The following SIK2 variants were observed in gnomAD, a reference collection of about 807,000 sequenced individuals.
SIK2 encodes the protein serine/threonine-protein kinase SIK2.
A neutral mutation model predicts 103.2 loss-of-function variants in SIK2; 29 were observed. That is an observed-to-expected ratio of 0.28 (90% CI 0.21 to 0.38). The LOEUF (loss-of-function observed/expected upper bound fraction) is 0.38. Among genes scored for constraint, SIK2 ranks in the 10% least tolerant of loss-of-function variants. The pLI is 1.00. For synonymous variants in SIK2, 412 were observed against 446.1 expected, an observed-to-expected ratio of 0.92 and a Z score of 0.96; for missense variants, 879 against 1,171.0, an observed-to-expected ratio of 0.75 and a Z score of 3.64.
intron 8 of SIK2, among the ~76,000 whole-genome samples, chr11:111,708,339 A>G (rs1269493089): frequency 1.3e-5 from 2 of 152,064 alleles, no homozygotes; most frequent in African/African-American, 4.8e-5. Flanking sequence ...CCGAGATGAC[A>G]CCACTGCATT....
At chr11:111,620,814 T>C (rs890070696) in intron 3 of SIK2, among the ~76,000 whole-genome samples, 1 of 152,242 alleles carries the variant, frequency 6.6e-6, no homozygotes, top group Admixed American at 6.5e-5. Flanking sequence ...ATCTCTGTTA[T>C]TGTGGATCTT....
chr11:111,622,391 T>G (rs917413197), intron 3 of SIK2, among the ~76,000 whole-genome samples: 1 of 151,674 alleles, frequency 6.6e-6, no homozygotes, highest in Non-Finnish European at 1.5e-5. Context: ...AAATAACTGG[T>G]CCTACAGGCA....
At chr11:111,704,654 G>A (rs1488973099) in intron 7 of SIK2, among the ~76,000 whole-genome samples, 4 of 152,200 alleles carry the variant, frequency 2.6e-5, no homozygotes, top group Non-Finnish European at 1.5e-5. Context: ...CACCGTTACA[G>A]CTATGAGATG....
At chr11:111,640,961 A>G (rs912166865) in intron 3 of SIK2, among the ~76,000 whole-genome samples, 30 of 151,830 alleles carry the variant, frequency 2.0e-4, no homozygotes, top group African/African-American at 6.0e-4. Flanking sequence ...GTCTGCAAAT[A>G]TAGTATTTGT....
intron 3 of SIK2, among the ~76,000 whole-genome samples, chr11:111,646,277 G>A (rs181208810): frequency 2.0e-5 from 3 of 151,932 alleles, no homozygotes; most frequent in East Asian, 1.9e-4. Context: ...TAGTGAAACC[G>A]CATCTCTACT....
At chr11:111,684,654 C>T (rs1942821934) in intron 3 of SIK2, among the ~76,000 whole-genome samples, 1 of 152,228 alleles carries the variant, frequency 6.6e-6, no homozygotes, top group Non-Finnish European at 1.5e-5. Context: ...CTTCCCAGCT[C>T]ATCCAGTGTA....
intron 3 of SIK2, among the ~76,000 whole-genome samples, chr11:111,664,862 C>G (rs1942514594): frequency 6.6e-6 from 1 of 152,158 alleles, no homozygotes; most frequent in Non-Finnish European, 1.5e-5. Flanking sequence ...ATCACCCTTT[C>G]TTTTCCTTTT....
Position 111,720,569 on chromosome 11 carries a change from G to A in SIK2, c.1587G>A (p.Leu529=). The stretch of plus-strand genomic sequence containing the variant: ...CTGTTCAGAGGGACCTGAACTTTCT[G>A]GAAGACAACCCTTCCCTTAAGGACA... ...MGSVQRDLNF[L]EDNPSLKDIM... is the part of the protein sequence containing the mutation. Residue 529 remains leucine, a synonymous_variant, in exon 11 of 15, where the codon CTG becomes CTA. Coordinates refer to ENST00000304987, the MANE Select transcript of SIK2 (RefSeq NM_015191.3). 6.2e-7 allele frequency: 1 copy of A among 1,614,094 alleles called. No homozygotes were observed. The highest frequency in any genetic ancestry group is 8.5e-7 in the Non-Finnish European group (1 of 1,180,030).
At chr11:111,628,380 C>A (rs1941988543) in intron 3 of SIK2, among the ~76,000 whole-genome samples, 1 of 123,654 alleles carries the variant, frequency 8.1e-6, no homozygotes, top group African/African-American at 2.6e-5. Context: ...GCCACTCCTC[C>A]CCCATTTTCT....
intron 3 of SIK2, among the ~76,000 whole-genome samples, chr11:111,658,873 G>A (rs377658606): frequency 1.5e-3 from 225 of 152,312 alleles, no homozygotes; most frequent in Non-Finnish European, 2.4e-3. Flanking sequence ...ATTTGGGGAA[G>A]AGGTGGTAGG....
intron 2 of SIK2, among the ~76,000 whole-genome samples, chr11:111,619,551 G>T (rs568348022): frequency 9.9e-5 from 15 of 152,102 alleles, no homozygotes; most frequent in Non-Finnish European, 1.9e-4. Flanking sequence ...TGCCATGTTG[G>T]CCAGGCTGGT....
At chr11:111,625,774 C>T (rs1043013047) in intron 3 of SIK2, among the ~76,000 whole-genome samples, 2 of 152,058 alleles carry the variant, frequency 1.3e-5, no homozygotes, top group Non-Finnish European at 2.9e-5. Context: ...AATAGACAAC[C>T]CTTTCAAGGA....
At chr11:111,616,023 T>A (rs1297880330) in intron 1 of SIK2, among the ~76,000 whole-genome samples, 1 of 152,230 alleles carries the variant, frequency 6.6e-6, no homozygotes, top group Non-Finnish European at 1.5e-5. Context: ...CAAATTATTC[T>A]TCATAGCACA....
rs1943955969 is a variant in SIK2, at chr11:111,726,066, T to C, written c.*1937T>C. 2 of 152,256 alleles carry C rather than the reference T, an allele frequency of 1.3e-5. No homozygotes were observed. Among genetic ancestry groups the C allele is most frequent in the Admixed American group, 1.3e-4 (2 of 15,292 alleles). The allele number at this position is 152,256 out of a possible 1,614,324, so 9.4% of individuals were successfully genotyped here. On this transcript the variant is annotated 3_prime_UTR_variant, in exon 15 of 15. Coordinates refer to ENST00000304987, the MANE Select transcript of SIK2 (RefSeq NM_015191.3). ...CATTTCATTTAAGAGATCATTTCAT[T>C]AAGATCTCTAATCTGTTTTGAGTCT...
Position 111,718,316 on chromosome 11 carries a change from G to A in SIK2, c.1267-1459G>A, listed in dbSNP as rs544164710. ...TCAAACAGCCATTCTTTCTTGCAAG[G>A]AAACTATTAAGTTTAGTCAAAAAGG... On this transcript the variant is annotated intron_variant, in intron 9 of 14. Coordinates refer to ENST00000304987, the MANE Select transcript of SIK2 (RefSeq NM_015191.3). Among the ~76,000 whole-genome samples the A allele has an allele frequency of 6.6e-5, 10 of 152,272 alleles. No homozygotes were observed. In the South Asian group the frequency reaches 2.1e-3, roughly 32 times the overall value.
Position 111,724,012 on chromosome 11 carries a change from G to T in SIK2, c.2664G>T (p.Leu888=), listed in dbSNP as rs775262173. 6.2e-7 allele frequency: 1 copy of T among 1,614,064 alleles called. No homozygotes were observed. The highest frequency in any genetic ancestry group is 1.3e-5 in the African/African-American group (1 of 74,936). ...TGPDCPRSPG[L]QEAPSSYDPL... ...CAGACTGTCCCAGAAGCCCAGGACT[G>T]CAAGAGGCCCCCTCCAGCTACGACC... Residue 888 remains leucine, a synonymous_variant, in exon 15 of 15, where the codon CTG becomes CTT. Coordinates refer to ENST00000304987, the MANE Select transcript of SIK2 (RefSeq NM_015191.3).
chr11:111,653,146 C>A (rs556182018), intron 3 of SIK2, among the ~76,000 whole-genome samples: 1 of 152,200 alleles, frequency 6.6e-6, no homozygotes, highest in South Asian at 2.1e-4. Context: ...AGGCCAACTA[C>A]CCTTCCCCTC....
In SIK2 at chr11:111,612,958, A is replaced by G. The variant is rs1299317409; in HGVS notation, c.136-3285A>G. Reference sequence around the variant, plus strand: ...TATATATATATATATTTATGATCATAGGATCATAGATGGATAAAGTCTGTG... The same window carrying G: ...TATATATATATATATTTATGATCATGGGATCATAGATGGATAAAGTCTGTG... On this transcript the variant is annotated intron_variant, in intron 1 of 14. Coordinates refer to ENST00000304987, the MANE Select transcript of SIK2 (RefSeq NM_015191.3). Among the ~76,000 whole-genome samples the G allele has an allele frequency of 1.4e-5, 2 of 145,336 alleles. 1 individual carries two copies. The highest frequency in any genetic ancestry group is 3.1e-5 in the Non-Finnish European group (2 of 65,520).
chr11:111,688,237 G>A lies in SIK2; in HGVS notation c.478+75G>A, dbSNP rs117543048. 12,528 of 1,477,532 alleles carry A rather than the reference G, an allele frequency of 8.5e-3. 68 individuals carry two copies. The highest frequency in any genetic ancestry group is 0.026 in the Middle Eastern group (150 of 5,732). The allele number at this position is 1,477,532 out of a possible 1,614,324, so 91.5% of individuals were successfully genotyped here. A position where few individuals can be genotyped will look rare whatever the true frequency, so the allele number is the denominator to read the frequency against. ...CTCAGTGTGTGGAAACAGACCTGCA[G>A]GCGCAGATTCAGCAGCATTTCTACC... is the stretch of plus-strand genomic sequence containing the variant. On this transcript the variant is annotated intron_variant, in intron 4 of 14. Transcript: ENST00000304987. This position sits in a 1 kb window ranked among gnomAD's most constrained non-coding sequence, Gnocchi z 4.2.
Sources: allele counts gnomAD v4.1 joint callset (sites outside exome capture counted in the v4.1 genomes callset), GRCh38; gene constraint gnomAD v4.1.1; non-coding constraint Gnocchi (gnomAD v3.1); transcripts MANE v1.5; gene names NCBI Gene and HGNC (gene_info 2026-07-23, HGNC 2026-07-21).